The following PTGES3 variants were observed in gnomAD, a reference collection of about 807,000 sequenced individuals.
PTGES3 encodes the protein Hsp90 co-chaperone.
A neutral mutation model predicts 29.9 loss-of-function variants in PTGES3; 5 were observed. That is an observed-to-expected ratio of 0.17 (90% confidence interval 0.09 to 0.35). The LOEUF is 0.35. Ranked by LOEUF, PTGES3 falls within the 10% of genes least tolerant of loss-of-function variation. PTGES3 has a pLI of 1.00. For synonymous variants in PTGES3, 49 were observed against 57.8 expected, an observed-to-expected ratio of 0.85 and a Z score of 0.69; for missense variants, 128 against 190.0, an observed-to-expected ratio of 0.67 and a Z score of 1.92.
intron 6 of PTGES3, 195 bp from the exon 7 acceptor site, chr12:56,664,995 C>T (rs1054826686): frequency 1.0e-6 from 1 of 985,278 alleles, no homozygotes; most frequent in Admixed American, 6.2e-5. Context: ...GAGGATTTAT[C>T]TACCTATAAA....
intron 6 of PTGES3, chr12:56,665,557 T>A: frequency 1.0e-6 from 1 of 985,354 alleles, no homozygotes; most frequent in African/African-American, 1.7e-5. Flanking sequence ...CCTCCCAATG[T>A]CCATCTGTTT....
In PTGES3 at chr12:56,687,622, C is replaced by A. The variant is rs1487131865; in HGVS notation, c.2+376G>T. 3 of 1,125,090 alleles carry A rather than the reference C, an allele frequency of 2.7e-6. No individual in the cohort carries two copies. The Admixed American group carries it at 1.5e-4, about 55-fold the overall frequency. 69.7% of individuals were successfully genotyped at this position (1,125,090 alleles called of 1,614,324 possible). A position where few individuals can be genotyped will look rare whatever the true frequency, so the allele number is the denominator to read the frequency against. On this transcript the variant is annotated intron_variant, in intron 1 of 7. Coordinates refer to ENST00000262033, the MANE Select transcript of PTGES3 (RefSeq NM_006601.7). Reference sequence around the variant, plus strand: ...GGACCACAAAGCAACAGAACCGGAGCGCCCAAGCAGCCGAGAGGCGACCCA... The same window carrying A: ...GGACCACAAAGCAACAGAACCGGAGAGCCCAAGCAGCCGAGAGGCGACCCA...
At chr12:56,682,550 T>C (rs1384423077) in intron 1 of PTGES3, among the ~76,000 whole-genome samples, 1 of 151,626 alleles carries the variant, frequency 6.6e-6, no homozygotes, top group Non-Finnish European at 1.5e-5. Flanking sequence ...AGTGAGACAG[T>C]GTCTCAGAAA....
intron 1 of PTGES3, chr12:56,687,005 CAAAAAA>C (rs11297744): frequency 8.1e-4 from 70 of 86,528 alleles, no homozygotes; most frequent in Middle Eastern, 0.012. Context: ...AACCTCCCGT[CAAAAAA>C]AAAAAAAAAA....
At chr12:56,667,947 A>C (rs914741830) in intron 5 of PTGES3, among the ~76,000 whole-genome samples, 4 of 152,132 alleles carry the variant, frequency 2.6e-5, no homozygotes, top group African/African-American at 9.7e-5. Flanking sequence ...GTCTCCACTA[A>C]AAATACAAAA....
chr12:56,686,716 C>T lies in PTGES3; in HGVS notation c.2+1282G>A, dbSNP rs1002886573. ...TAAAACCCCGATTACGTATCACTTTCGGGGAGGGGGCTCCTTCAAAAATTC... is the reference window on the plus strand; with the variant it reads ...TAAAACCCCGATTACGTATCACTTTTGGGGAGGGGGCTCCTTCAAAAATTC... On this transcript the variant is annotated intron_variant, in intron 1 of 7. Coordinates refer to ENST00000262033, the MANE Select transcript of PTGES3 (RefSeq NM_006601.7). Among the ~76,000 whole-genome samples, 9 of 152,158 alleles carry T rather than the reference C, an allele frequency of 5.9e-5. No homozygotes were observed. In the South Asian group the frequency reaches 6.2e-4, roughly 11 times the overall value.
At chr12:56,667,876 G>C (rs1158163953) in intron 5 of PTGES3, among the ~76,000 whole-genome samples, 2 of 152,234 alleles carry the variant, frequency 1.3e-5, no homozygotes, top group Admixed American at 1.3e-4. Flanking sequence ...GGGAGGCCAA[G>C]GCGGGTGGAT....
In PTGES3 at chr12:56,664,443, TTTTC is replaced by T. The variant is rs1565856537; in HGVS notation, c.*32_*35del. 1.3e-6 allele frequency: 2 copies of T among 1,598,638 alleles called. No individual in the cohort carries two copies. The highest frequency in any genetic ancestry group is 3.5e-5 in the Admixed American group (2 of 57,514). ...TTATGAAATCTTGCAGAGAAGTTATTTTTCTTTCTCAAAATCCAGGTGATGACAA... is the reference window on the plus strand; with the variant it reads ...TTATGAAATCTTGCAGAGAAGTTATTTTTCTCAAAATCCAGGTGATGACAA... On this transcript the variant is annotated 3_prime_UTR_variant, in exon 8 of 8. Coordinates refer to ENST00000262033, the MANE Select transcript of PTGES3 (RefSeq NM_006601.7).
At chr12:56,687,939 C>A (rs1952961633) in intron 1 of PTGES3, 59 bp downstream of exon 1, 5 of 1,603,442 alleles carry the variant, frequency 3.1e-6, no homozygotes, top group South Asian at 1.1e-5. Flanking sequence ...TTCCAGGGAG[C>A]CCCCAACGCG....
intron 1 of PTGES3, among the ~76,000 whole-genome samples, chr12:56,676,126 TGGGAGGGGGAGG>T (rs1194889175): frequency 3.5e-4 from 47 of 134,738 alleles, no homozygotes; most frequent in Admixed American, 8.8e-4. Flanking sequence ...TTTGGGAGGC[TGGGAGGGGGAGG>T]GGGAGGGGGA....
intron 5 of PTGES3, among the ~76,000 whole-genome samples, chr12:56,666,608 G>T (rs537390816): frequency 4.9e-4 from 74 of 152,096 alleles, no homozygotes; most frequent in Non-Finnish European, 9.3e-4. Context: ...TCTATCTTAA[G>T]TTAGGTGGAA....
chr12:56,682,608 T>G (rs972973682), intron 1 of PTGES3, among the ~76,000 whole-genome samples: 38 of 151,034 alleles, frequency 2.5e-4, no homozygotes, highest in African/African-American at 8.8e-4. Context: ...ATACCAAGGA[T>G]CGGGTGCAGC....
chr12:56,667,782 T>C (rs1025779889), intron 5 of PTGES3, among the ~76,000 whole-genome samples: 5 of 152,232 alleles, frequency 3.3e-5, no homozygotes, highest in African/African-American at 4.8e-5. Flanking sequence ...ATTATGCCTA[T>C]AGTTAACAAT....
At chr12:56,686,669 G>A (rs1037290479) in intron 1 of PTGES3, among the ~76,000 whole-genome samples, 3 of 152,020 alleles carry the variant, frequency 2.0e-5, no homozygotes, top group Non-Finnish European at 4.4e-5. Flanking sequence ...GAGCCACCGC[G>A]CCCAGCCTAA....
rs369554675 is a variant in PTGES3 at position 56,672,420 on chromosome 12, C to T, written c.186+320G>A. On this transcript the variant is annotated intron_variant, in intron 3 of 7. Transcript: ENST00000262033. Reference sequence around the variant, plus strand: ...GAGGCAGGAGAATCCCTGGAACCTACGAGGCAGAGGTTGCAGTGAGCCGGG... The same window carrying T: ...GAGGCAGGAGAATCCCTGGAACCTATGAGGCAGAGGTTGCAGTGAGCCGGG... 1.1e-4 allele frequency among the ~76,000 whole-genome samples: 17 copies of T among 152,124 alleles called. No homozygotes were observed. In the East Asian group the frequency reaches 1.4e-3, roughly 12 times the overall value.
At chr12:56,685,209 C>G (rs7301054) in intron 1 of PTGES3, among the ~76,000 whole-genome samples, 2 of 152,150 alleles carry the variant, frequency 1.3e-5, no homozygotes, top group Admixed American at 1.3e-4. Context: ...CTTCAAATAA[C>G]TGACTTACAA....
At chr12:56,666,452 A>G (rs1951789901) in intron 5 of PTGES3, among the ~76,000 whole-genome samples, 186 bp from the exon 6 acceptor site, 1 of 152,194 alleles carries the variant, frequency 6.6e-6, no homozygotes, top group African/African-American at 2.4e-5. Flanking sequence ...CTAAAAACCC[A>G]TATGGAAATT....
intron 1 of PTGES3, among the ~76,000 whole-genome samples, chr12:56,674,282 G>C (rs1952128303): frequency 6.6e-6 from 1 of 151,890 alleles, no homozygotes; most frequent in African/African-American, 2.4e-5. Flanking sequence ...ACCAAGGAAA[G>C]GCCTCAGAAG....
At chr12:56,682,211 C>T (rs73113847) in intron 1 of PTGES3, among the ~76,000 whole-genome samples, 4,390 of 152,138 alleles carry the variant, frequency 0.029, 97 homozygotes, top group Middle Eastern at 0.058. Context: ...CAGAAAAGCC[C>T]CAACAGCACA....
Sources: gnomAD v4.1 joint callset for allele counts (sites outside exome capture counted in the v4.1 genomes callset) on GRCh38, gnomAD v4.1.1 for gene constraint, MANE v1.5 for transcripts, NCBI Gene and HGNC (gene_info 2026-07-23, HGNC 2026-07-21) for gene names.